Variants in RGS9 observed in about 807,000 individuals in gnomAD.
The protein encoded by RGS9 is regulator of G-protein signalling 9.
RGS9 carries 78 observed loss-of-function variants against 102.0 expected under a neutral mutation model. The observed-to-expected ratio is 0.76, with a 90% CI of 0.64 to 0.92. The LOEUF (loss-of-function observed/expected upper bound fraction) is 0.92. RGS9 is among the 40% of genes least tolerant of loss of function. The probability of loss-of-function intolerance (pLI) is 0.00; values close to 1 mark genes in which losing one functional copy is unlikely to be tolerated. For missense variants in RGS9, 833 were observed against 866.1 expected, an observed-to-expected ratio of 0.96 and a Z score of 0.48; for synonymous variants, 353 against 318.6, an observed-to-expected ratio of 1.11 and a Z score of -1.15.
intron 1 of RGS9, among the ~76,000 whole-genome samples, chr17:65,145,237 C>A (rs1414172675): frequency 6.6e-6 from 1 of 151,820 alleles, no homozygotes; most frequent in African/African-American, 2.4e-5. Context: ...ACTACAGGTG[C>A]CCCCCACCAC....
At chr17:65,165,115 C>T (rs1313420628) in intron 7 of RGS9, among the ~76,000 whole-genome samples, 1 of 152,130 alleles carries the variant, frequency 6.6e-6, no homozygotes. Flanking sequence ...CCCCTCCATC[C>T]CTTCTTCCTC....
intron 17 of RGS9, among the ~76,000 whole-genome samples, chr17:65,218,941 G>A (rs918046258): frequency 6.6e-6 from 1 of 152,228 alleles, no homozygotes; most frequent in South Asian, 2.1e-4. Context: ...TAAACCAAAT[G>A]GTGTGATATT....
intron 17 of RGS9, among the ~76,000 whole-genome samples, chr17:65,215,000 G>GCTGTAAAA (rs1913434066): frequency 6.6e-6 from 1 of 152,136 alleles, no homozygotes; most frequent in African/African-American, 2.4e-5. Context: ...CTCTCACTGG[G>GCTGTAAAA]CTGTAAAACT....
rs1241910119 is a variant in RGS9, at chr17:65,207,966, G to C, written c.1248G>C (p.Met416Ile). Residue 416 changes from methionine to isoleucine, a missense_variant, in exon 16 of 19, where the codon ATG (methionine) becomes ATC (isoleucine). Met to Ile is a conservative substitution (Grantham distance 10, BLOSUM62 1). Coordinates refer to ENST00000262406, the MANE Select transcript of RGS9 (RefSeq NM_003835.4). The part of the protein sequence containing the change: ...RYLKSPIYKD[M>I]LAKAIEPQET... ...TAAAATCTCCGATCTATAAGGACATGCTGGCCAAAGCTATTGAACCTCAGG... is the reference window on the plus strand; with the variant it reads ...TAAAATCTCCGATCTATAAGGACATCCTGGCCAAAGCTATTGAACCTCAGG... The C allele has an allele frequency of 1.2e-6, 2 of 1,613,462 alleles. No homozygotes were observed. The highest frequency in any genetic ancestry group is 4.5e-5 in the East Asian group (2 of 44,866).
At chr17:65,189,418 G>T (rs990357722) in intron 10 of RGS9, 103 bp downstream of exon 10, 1 of 872,198 alleles carries the variant, frequency 1.1e-6, no homozygotes, top group Non-Finnish European at 2.0e-6. Context: ...TGAAAACCAC[G>T]TGCAATGTTC....
rs763131465 is a variant in RGS9, at chr17:65,210,629, G to T, written c.1407+24G>T. On this transcript the variant is annotated intron_variant, in intron 17 of 18. Transcript: ENST00000262406. ...AGGTCATGAGCAAGCTGGACCGCAGGAGCCAACTCCAAAAAGAGCTGCCTC... is the reference window on the plus strand; with the variant it reads ...AGGTCATGAGCAAGCTGGACCGCAGTAGCCAACTCCAAAAAGAGCTGCCTC... 5 of 1,612,900 alleles carry T rather than the reference G, an allele frequency of 3.1e-6. No individual in the cohort carries two copies. In the East Asian group the frequency reaches 1.1e-4, roughly 36 times the overall value.
intron 17 of RGS9, among the ~76,000 whole-genome samples, chr17:65,213,554 GGGT>G (rs929839754): frequency 6.6e-6 from 1 of 151,736 alleles, no homozygotes; most frequent in African/African-American, 2.4e-5. Flanking sequence ...GTGGTGGTGA[GGGT>G]GGTGGTGAGT....
chr17:65,220,693 C>T (rs1913678060), intron 17 of RGS9, among the ~76,000 whole-genome samples: 1 of 152,182 alleles, frequency 6.6e-6, no homozygotes, highest in African/African-American at 2.4e-5. Context: ...GTTCAGGTGG[C>T]CCCAAGGTCT....
At chr17:65,208,960 T>G (rs1315162138) in intron 16 of RGS9, among the ~76,000 whole-genome samples, 1 of 152,170 alleles carries the variant, frequency 6.6e-6, no homozygotes, top group South Asian at 2.1e-4. Context: ...GTTTACCAAG[T>G]AAGGAAGGGA....
rs140407368 is a variant in RGS9, at chr17:65,193,504, G to A, written c.747-39G>A. On this transcript the variant is annotated intron_variant, in intron 11 of 18. Transcript: ENST00000262406. ...TGTGTATTGATGTCATATCTTGGGT[G>A]TCGAGCTTCTAGGAAATCATTTTCT... is the stretch of plus-strand genomic sequence containing the variant. The A allele has an allele frequency of 6.7e-4, 876 of 1,315,640 alleles. 7 individuals are homozygous for A. In the East Asian group the frequency reaches 0.016, roughly 25 times the overall value. The allele number at this position is 1,315,640 out of a possible 1,614,324, so 81.5% of individuals were successfully genotyped here.
chr17:65,178,696 T>C (rs1911741272), intron 9 of RGS9, among the ~76,000 whole-genome samples: 1 of 152,006 alleles, frequency 6.6e-6, no homozygotes, highest in Non-Finnish European at 1.5e-5. Context: ...GTAGAGACAG[T>C]GTCTTTCTAT....
intron 17 of RGS9, among the ~76,000 whole-genome samples, chr17:65,222,949 C>T (rs994140289): frequency 9.9e-5 from 15 of 152,134 alleles, no homozygotes; most frequent in East Asian, 5.8e-4. Flanking sequence ...GCGATGACTG[C>T]GCCGACTCCG....
At chr17:65,138,324 T>C (rs1266852438) in intron 1 of RGS9, among the ~76,000 whole-genome samples, 1 of 152,180 alleles carries the variant, frequency 6.6e-6, no homozygotes, top group Non-Finnish European at 1.5e-5. Context: ...GTCACATCTT[T>C]GTCCTTCCTC....
At chr17:65,143,674 G>T (rs929670722) in intron 1 of RGS9, among the ~76,000 whole-genome samples, 20 of 151,772 alleles carry the variant, frequency 1.3e-4, no homozygotes, top group Non-Finnish European at 5.9e-5. Context: ...GGCACCTCTA[G>T]CCCCAGCTAC....
rs116212800 is a variant in RGS9 at position 65,147,307 on chromosome 17, G to C, written c.58-6115G>C. ...GCCTGGGTCTGCACGCTGGCTGGCTGTGTGCTCAGAGTGGCCTCAGCTGTG... is the reference window on the plus strand; with the variant it reads ...GCCTGGGTCTGCACGCTGGCTGGCTCTGTGCTCAGAGTGGCCTCAGCTGTG... On this transcript the variant is annotated intron_variant, in intron 1 of 18. Coordinates refer to ENST00000262406, the MANE Select transcript of RGS9 (RefSeq NM_003835.4). Among the ~76,000 whole-genome samples the C allele has an allele frequency of 2.4e-3, 366 of 152,342 alleles. 2 individuals are homozygous for C. Among genetic ancestry groups the C allele is most frequent in the African/African-American group, 8.4e-3 (351 of 41,582 alleles).
At chr17:65,219,849 CATCACCATCACT>C (rs1357530456) in intron 17 of RGS9, among the ~76,000 whole-genome samples, 2 of 152,072 alleles carry the variant, frequency 1.3e-5, no homozygotes, top group East Asian at 3.9e-4. Context: ...CCATCACCAC[CATCACCATCACT>C]ATCACCATCA....
At chr17:65,170,389 G>A (rs1021331165) in intron 8 of RGS9, among the ~76,000 whole-genome samples, 3 of 152,286 alleles carry the variant, frequency 2.0e-5, no homozygotes, top group Non-Finnish European at 4.4e-5. Context: ...GCAGCCCTGT[G>A]TGGAAGGGTT....
At chr17:65,156,269 C>T (rs1037959079) in intron 2 of RGS9, among the ~76,000 whole-genome samples, 33 of 152,200 alleles carry the variant, frequency 2.2e-4, no homozygotes, top group Admixed American at 5.9e-4. Flanking sequence ...GTGATCCACC[C>T]GCCTCGGCCT....
chr17:65,164,049 G>A (rs1313326931), intron 7 of RGS9, among the ~76,000 whole-genome samples: 1 of 152,076 alleles, frequency 6.6e-6, no homozygotes, highest in Non-Finnish European at 1.5e-5. Flanking sequence ...CCAGGGCTCT[G>A]CCTTAACAAG....
Sources: allele counts gnomAD v4.1 joint callset (sites outside exome capture counted in the v4.1 genomes callset), GRCh38; gene constraint gnomAD v4.1.1; transcripts MANE v1.5; gene names NCBI Gene and HGNC (gene_info 2026-07-23, HGNC 2026-07-21).